ITGA3: variants seen among roughly 807,000 people sequenced by gnomAD.
ITGA3 encodes integrin alpha-3.
ITGA3 carries 70 observed loss-of-function variants against 131.1 expected under a neutral mutation model. The observed-to-expected ratio is 0.53, with a 90% CI of 0.44 to 0.65. The LOEUF is 0.65. Ranked by LOEUF, ITGA3 falls within the 30% of genes least tolerant of loss-of-function variation. ITGA3 has a pLI of 0.00. For missense variants in ITGA3, 1,098 were observed against 1,388.6 expected (o/e 0.79, Z 3.33); for synonymous variants, 537 against 571.6 (o/e 0.94, Z 0.86).
intron 18 of ITGA3, 79 bp from the exon 19 acceptor site, chr17:50,078,745 C>A: frequency 1.3e-6 from 1 of 796,308 alleles, no homozygotes; most frequent in Non-Finnish European, 2.2e-6. Flanking sequence ...CTATAGTTAG[C>A]CAGCTTTGGT....
At position 50,074,541 on chromosome 17, in the gene ITGA3, T is replaced by C. The variant is rs1908791724; in HGVS notation, c.1469+7T>C. On this transcript the variant is annotated splice_region_variant and intron_variant, in intron 10 of 25. Transcript: ENST00000320031. ...TTTGCACGGCCACCTCTTGGTGAGA[T>C]TGTTCTGCCCACCTACTCCTCATTT... 1 of 1,602,374 alleles carries C rather than the reference T, an allele frequency of 6.2e-7. No homozygotes were observed. The highest frequency in any genetic ancestry group is 8.5e-7 in the Non-Finnish European group (1 of 1,169,642).
At position 50,068,231 on chromosome 17, in the gene ITGA3, G is replaced by C. The variant is rs1567698300; in HGVS notation, c.590G>C (p.Cys197Ser). The C allele has an allele frequency of 6.2e-7, 1 of 1,614,082 alleles. No individual in the cohort carries two copies. The highest frequency in any genetic ancestry group is 1.7e-5 in the Admixed American group (1 of 60,030). Reference sequence around the variant, plus strand: ...ACAGACTACCTGGAGACGGGCATGTGCCAGCTGGGCACCAGCGGTGGCTTC... The same window carrying C: ...ACAGACTACCTGGAGACGGGCATGTCCCAGCTGGGCACCAGCGGTGGCTTC... Reference protein sequence around the residue: ...SNTDYLETGMCQLGTSGGFTQ... With the variant: ...SNTDYLETGMSQLGTSGGFTQ... The change falls in exon 4 of 26, where the codon TGC becomes TCC. Residue 197 changes from cysteine (C) to serine (S), a missense_variant. Physicochemically the swap from Cys to Ser is moderately radical, Grantham distance 112 (BLOSUM62 -1). Coordinates refer to ENST00000320031, the MANE Select transcript of ITGA3 (RefSeq NM_002204.4).
Position 50,064,273 on chromosome 17 carries a change from G to T in ITGA3, c.334+69G>T, listed in dbSNP as rs1908226381. Reference sequence around the variant, plus strand: ...GCAGGGGGGTACCGCAGAGAGAATGGCCTGGAGGAGATAGAAGGCTTGTTC... The same window carrying T: ...GCAGGGGGGTACCGCAGAGAGAATGTCCTGGAGGAGATAGAAGGCTTGTTC... On this transcript the variant is annotated intron_variant, in intron 2 of 25. Transcript: ENST00000320031. The surrounding 1 kb of genome is among the most constrained non-coding windows in gnomAD (Gnocchi z 4.4). The T allele has an allele frequency of 6.5e-7, 1 of 1,538,656 alleles. No homozygotes were observed. Among genetic ancestry groups the T allele is most frequent in the African/African-American group, 1.4e-5 (1 of 73,510 alleles).
intron 23 of ITGA3, 91 bp downstream of exon 23, chr17:50,081,499 A>G (rs1036676446): frequency 8.4e-6 from 8 of 951,652 alleles, no homozygotes; most frequent in African/African-American, 4.9e-5. Flanking sequence ...CACTTCAGCC[A>G]TATGGTTCTC....
chr17:50,068,157 C>A lies in ITGA3; in HGVS notation c.516C>A (p.Asp172Glu). ...CYVRGNDLELDSSDDWQTYHN... is the reference protein window; with the variant it reads ...CYVRGNDLELESSDDWQTYHN... ...TGCGAGGCAATGACCTAGAGCTGGA[C>A]TCCAGTGATGACTGGCAGACCTACC... Residue 172 changes from aspartate to glutamate, a missense_variant, in exon 4 of 26, where the codon GAC (aspartate) becomes GAA (glutamate). Physicochemically the swap from Asp to Glu is conservative, Grantham distance 45 (BLOSUM62 2). This residue lies in a region of ITGA3 where 356 missense variants were observed against 529.2 expected (regional missense o/e 0.67). Transcript: ENST00000320031. The A allele has an allele frequency of 6.2e-7, 1 of 1,614,204 alleles. No individual in the cohort carries two copies. The highest frequency in any genetic ancestry group is 8.5e-7 in the Non-Finnish European group (1 of 1,180,046).
At chr17:50,069,143 C>T (rs559755537) in intron 4 of ITGA3, among the ~76,000 whole-genome samples, 9 of 152,142 alleles carry the variant, frequency 5.9e-5, no homozygotes, top group South Asian at 2.1e-4. Flanking sequence ...CCACCGCGCC[C>T]AGCCTAATCA....
intron 23 of ITGA3, chr17:50,087,082 A>G (rs1466917164): frequency 2.6e-5 from 4 of 152,118 alleles, no homozygotes; most frequent in South Asian, 4.1e-4. Context: ...AATAAAATAA[A>G]AAGAATGGGA....
At chr17:50,088,394 C>T (rs370675762) in intron 25 of ITGA3, 28 bp downstream of exon 25, 81 of 1,264,628 alleles carry the variant, frequency 6.4e-5, no homozygotes, top group Non-Finnish European at 8.4e-5. Flanking sequence ...CCCCCTTCCC[C>T]GAGCCCCACA....
chr17:50,076,703 C>T, intron 14 of ITGA3, 22 bp downstream of exon 14: 3 of 1,565,288 alleles, frequency 1.9e-6, no homozygotes, highest in Non-Finnish European at 8.8e-7. Flanking sequence ...CCGCCGGCCG[C>T]GTTAATCGGC....
Position 50,064,433 on chromosome 17 carries a change from A to G in ITGA3, c.335-95A>G. On this transcript the variant is annotated intron_variant, in intron 2 of 25. Coordinates refer to ENST00000320031, the MANE Select transcript of ITGA3 (RefSeq NM_002204.4). This position sits in a 1 kb window ranked among gnomAD's most constrained non-coding sequence, Gnocchi z 4.4. ...GTTGGGAGGGCTGCCCTGTGGGTGG[A>G]GGGCCCAAGCGGGACCCACTCCTGC... 7.9e-7 allele frequency: 1 copy of G among 1,271,526 alleles called. No homozygotes were observed. The highest frequency in any genetic ancestry group is 1.1e-6 in the Non-Finnish European group (1 of 912,450). The allele number at this position is 1,271,526 out of a possible 1,614,324, so 78.8% of individuals were successfully genotyped here.
intron 12 of ITGA3, 40 bp downstream of exon 12, chr17:50,075,775 C>T: frequency 1.2e-6 from 2 of 1,608,830 alleles, no homozygotes; most frequent in Non-Finnish European, 1.7e-6. Context: ...GCTCCCAGGT[C>T]CCTGGAGGAG....
rs199830464 is a variant in ITGA3, at chr17:50,074,418, G to A, written c.1383-30G>A. On this transcript the variant is annotated intron_variant, in intron 9 of 25. Coordinates refer to ENST00000320031, the MANE Select transcript of ITGA3 (RefSeq NM_002204.4). ...TGGCCTGGGGCAGGCAGGAGGCACT[G>A]ATATCTGTCTGGCTCTGTTGTCTCT... is the stretch of plus-strand genomic sequence containing the variant. 9.7e-5 allele frequency: 156 copies of A among 1,610,422 alleles called. 3 individuals are homozygous for A. The African/African-American group carries it at 1.7e-3, about 18-fold the overall frequency.
Position 50,090,296 on chromosome 17 carries a change from C to G in ITGA3, c.*1218C>G. 1 of 455,446 alleles carries G rather than the reference C, an allele frequency of 2.2e-6. No homozygotes were observed. Among genetic ancestry groups the G allele is most frequent in the Non-Finnish European group, 4.4e-6 (1 of 226,074 alleles). 28.2% of individuals were successfully genotyped at this position (455,446 alleles called of 1,614,324 possible). ...TGCCCCCTCCCCCATGGGCTGTGTC[C>G]TAAGGCCCATTTGAGAAGCTGAGGC... On this transcript the variant is annotated 3_prime_UTR_variant, in exon 26 of 26. Transcript: ENST00000320031.
chr17:50,059,957 A>T (rs1454269537), intron 1 of ITGA3, among the ~76,000 whole-genome samples: 1 of 151,772 alleles, frequency 6.6e-6, no homozygotes, highest in Non-Finnish European at 1.5e-5. Flanking sequence ...GGGCTGAGTC[A>T]CCAGTGGGGA....
chr17:50,070,608 T>C (rs111392650), intron 4 of ITGA3, among the ~76,000 whole-genome samples: 30 of 122,978 alleles, frequency 2.4e-4, no homozygotes, highest in African/African-American at 8.8e-4. Flanking sequence ...ATCACACCAT[T>C]GCACTCCAGC....
intron 23 of ITGA3, chr17:50,086,403 A>T (rs1909430612): frequency 6.6e-6 from 1 of 151,086 alleles, no homozygotes; most frequent in South Asian, 2.1e-4. Context: ...GTCAGAACAA[A>T]CACGGCTGGG....
In ITGA3 at chr17:50,087,511, G is replaced by A. The variant is rs142983004; in HGVS notation, c.2920-233G>A. On this transcript the variant is annotated intron_variant, in intron 23 of 25. Coordinates refer to ENST00000320031, the MANE Select transcript of ITGA3 (RefSeq NM_002204.4). ...TGTGGGTCACACACCCAGACTCCAG[G>A]CCACCTCCCAGATCTGAGGCCGCTC... 296 of 468,402 alleles carry A rather than the reference G, an allele frequency of 6.3e-4. 2 individuals carry two copies. Among genetic ancestry groups the A allele is most frequent in the African/African-American group, 5.2e-3 (268 of 51,308 alleles). 29.0% of individuals were successfully genotyped at this position (468,402 alleles called of 1,614,324 possible).
chr17:50,089,192 C>A lies in ITGA3; in HGVS notation c.*114C>A, dbSNP rs1384143556. The A allele has an allele frequency of 1.2e-6, 2 of 1,613,446 alleles. No individual in the cohort carries two copies. Among genetic ancestry groups the A allele is most frequent in the Non-Finnish European group, 1.7e-6 (2 of 1,179,692 alleles). On this transcript the variant is annotated 3_prime_UTR_variant, in exon 26 of 26. Coordinates refer to ENST00000320031, the MANE Select transcript of ITGA3 (RefSeq NM_002204.4). ...CGGATCCGGGAGGAGGAGCGCTACC[C>A]ACCTCCAGGGAGCACCCTGCCCACC...
At chr17:50,070,955 C>G (rs1163889974) in intron 5 of ITGA3, 25 bp downstream of exon 5, 15 of 1,431,556 alleles carry the variant, frequency 1.0e-5, no homozygotes, top group Non-Finnish European at 1.5e-5. Context: ...GGTAGCCCAT[C>G]AAGTGGTAGA....
Sources: gnomAD v4.1 joint callset for allele counts (sites outside exome capture counted in the v4.1 genomes callset) on GRCh38, gnomAD v4.1.1 for gene constraint, gnomAD v4.1.1 regional missense constraint, Gnocchi (gnomAD v3.1) non-coding constraint, MANE v1.5 for transcripts, NCBI Gene and HGNC (gene_info 2026-07-23, HGNC 2026-07-21) for gene names.